Variants in CTNND2 observed in about 807,000 individuals in gnomAD.
CTNND2 encodes the protein catenin delta-2.
In CTNND2, 22 loss-of-function variants were observed where a neutral mutation model predicts 144.4. The ratio of observed to expected loss-of-function variants is 0.15; its 90% CI spans 0.11 to 0.22. The LOEUF (loss-of-function observed/expected upper bound fraction) is 0.22, where lower values mean the gene tolerates loss of function less well. CTNND2 is among the 10% of genes least tolerant of loss of function. The probability of loss-of-function intolerance (pLI) is 1.00; values close to 1 mark genes in which losing one functional copy is unlikely to be tolerated. For synonymous variants in CTNND2, 751 were observed against 695.6 expected (o/e 1.08, Z -1.25); for missense variants, 1,353 against 1,618.8 (o/e 0.84, Z 2.82).
chr5:11,375,226 T>C (rs1159925929), intron 7 of CTNND2, among the ~76,000 whole-genome samples: 1 of 152,120 alleles, frequency 6.6e-6, no homozygotes, highest in Non-Finnish European at 1.5e-5. Flanking sequence ...TTCTACTTCT[T>C]TGTATCTTTC....
chr5:11,685,755 G>T (rs1349384020), intron 2 of CTNND2, among the ~76,000 whole-genome samples: 2 of 152,166 alleles, frequency 1.3e-5, no homozygotes, highest in African/African-American at 2.4e-5. Flanking sequence ...TCTACAAAGA[G>T]TATCTCAGGT....
chr5:11,144,645 C>T (rs1410734567), intron 12 of CTNND2, among the ~76,000 whole-genome samples: 12 of 152,076 alleles, frequency 7.9e-5, no homozygotes, highest in Admixed American at 7.9e-4. Context: ...TCTTAGGGGA[C>T]AACAGGTATC....
intron 2 of CTNND2, among the ~76,000 whole-genome samples, chr5:11,716,158 T>A (rs1786338843): frequency 6.6e-6 from 1 of 152,224 alleles, no homozygotes; most frequent in African/African-American, 2.4e-5. Context: ...CAGCCACTCA[T>A]AAGGGGTTTC....
At chr5:11,389,404 T>C (rs1050298821) in intron 6 of CTNND2, among the ~76,000 whole-genome samples, 1 of 152,236 alleles carries the variant, frequency 6.6e-6, no homozygotes, top group South Asian at 2.1e-4. Context: ...TCATCAAAGC[T>C]ATTACAAATT....
At chr5:11,902,448 G>C (rs887023544) in intron 1 of CTNND2, among the ~76,000 whole-genome samples, 13 of 152,106 alleles carry the variant, frequency 8.5e-5, no homozygotes, top group African/African-American at 3.1e-4. Flanking sequence ...CCGAAGCCTT[G>C]TCATTATGTA....
chr5:11,544,924 C>T (rs1047777543), intron 3 of CTNND2, among the ~76,000 whole-genome samples: 1 of 151,736 alleles, frequency 6.6e-6, no homozygotes, highest in African/African-American at 2.4e-5. Context: ...CAAGACTAGC[C>T]TGACAAACAC....
chr5:11,900,234 T>C (rs922878808), intron 1 of CTNND2, among the ~76,000 whole-genome samples: 6 of 152,212 alleles, frequency 3.9e-5, no homozygotes, highest in African/African-American at 1.4e-4. Flanking sequence ...GGTACTTCAA[T>C]ATCCTGACAT....
At chr5:11,008,893 G>C (rs952663592) in intron 18 of CTNND2, among the ~76,000 whole-genome samples, 4 of 152,132 alleles carry the variant, frequency 2.6e-5, no homozygotes, top group African/African-American at 9.7e-5. Context: ...GGGGGTGGCA[G>C]GCCTGGTGTC....
At chr5:11,124,897 T>A (rs373755822) in intron 12 of CTNND2, among the ~76,000 whole-genome samples, 5 of 152,310 alleles carry the variant, frequency 3.3e-5, no homozygotes, top group African/African-American at 1.2e-4. Flanking sequence ...TCTAAAAACA[T>A]CTCACCAAAA....
At chr5:11,052,414 G>A (rs1319128992) in intron 16 of CTNND2, among the ~76,000 whole-genome samples, 1 of 152,100 alleles carries the variant, frequency 6.6e-6, no homozygotes, top group Non-Finnish European at 1.5e-5. Context: ...CCTCATTAAC[G>A]TCACTTACTA....
chr5:11,448,241 T>A (rs115897785), intron 3 of CTNND2, among the ~76,000 whole-genome samples: 2 of 152,312 alleles, frequency 1.3e-5, no homozygotes, highest in African/African-American at 4.8e-5. Flanking sequence ...TGATATGAGA[T>A]GTACAATATT....
intron 16 of CTNND2, among the ~76,000 whole-genome samples, chr5:11,036,687 C>T (rs532724805): frequency 1.3e-5 from 2 of 152,276 alleles, no homozygotes; most frequent in Non-Finnish European, 2.9e-5. Context: ...CTGCGCCTGG[C>T]CTCAAACTAA....
At chr5:10,975,469 T>C (rs987644593) in intron 21 of CTNND2, among the ~76,000 whole-genome samples, 1 of 152,168 alleles carries the variant, frequency 6.6e-6, no homozygotes, top group Non-Finnish European at 1.5e-5. Flanking sequence ...AATCCATCCA[T>C]CCATCCATCC....
At chr5:11,604,150 C>G (rs544562194) in intron 2 of CTNND2, among the ~76,000 whole-genome samples, 12 of 152,274 alleles carry the variant, frequency 7.9e-5, no homozygotes, top group African/African-American at 2.9e-4. Flanking sequence ...CAGGCTTCTT[C>G]TCCTTTTAGT....
At chr5:11,037,101 C>T (rs1455739280) in intron 16 of CTNND2, among the ~76,000 whole-genome samples, 1 of 152,152 alleles carries the variant, frequency 6.6e-6, no homozygotes, top group African/African-American at 2.4e-5. Context: ...TTAAAATAGC[C>T]TTTTCAGTTG....
At chr5:11,334,398 G>T (rs942592543) in intron 9 of CTNND2, among the ~76,000 whole-genome samples, 1 of 152,146 alleles carries the variant, frequency 6.6e-6, no homozygotes, top group Non-Finnish European at 1.5e-5. Flanking sequence ...CTCCATCATT[G>T]TGGGTTTCTA....
At chr5:11,514,035 T>C (rs565173465) in intron 3 of CTNND2, among the ~76,000 whole-genome samples, 2 of 152,070 alleles carry the variant, frequency 1.3e-5, no homozygotes, top group African/African-American at 4.8e-5. Flanking sequence ...AAAAAAGAAT[T>C]AGCTAAATAT....
In CTNND2 at chr5:11,904,417, C is replaced by T. The variant is rs1738169860; in HGVS notation, c.-564G>A. 6.6e-6 allele frequency among the ~76,000 whole-genome samples: 1 copy of T among 151,752 alleles called. No homozygotes were observed. Among genetic ancestry groups the T allele is most frequent in the Non-Finnish European group, 1.5e-5 (1 of 67,904 alleles). ...GGCGCCCGGCTAGTGAGGGAGCGTCCGCCCCGCCGCCGAAACCGGCCCCGG... is the reference window on the plus strand; with the variant it reads ...GGCGCCCGGCTAGTGAGGGAGCGTCTGCCCCGCCGCCGAAACCGGCCCCGG... On this transcript the variant is annotated 5_prime_UTR_variant, in exon 1 of 22. Coordinates refer to ENST00000304623, the MANE Select transcript of CTNND2 (RefSeq NM_001332.4). This position sits in a 1 kb window ranked among gnomAD's most constrained non-coding sequence, Gnocchi z 4.2.
chr5:11,084,649 C>T lies in CTNND2; in HGVS notation c.2638-1803G>A, dbSNP rs142263352. 3.6e-3 allele frequency among the ~76,000 whole-genome samples: 555 copies of T among 152,220 alleles called. 2 individuals are homozygous for T. The highest frequency in any genetic ancestry group is 0.012 in the South Asian group (57 of 4,820). On this transcript the variant is annotated intron_variant, in intron 15 of 21. Coordinates refer to ENST00000304623, the MANE Select transcript of CTNND2 (RefSeq NM_001332.4). ...GGCAGGCTGATGCAAGTGCCCTCAG[C>T]CTGGTGGGGAAGAGATGAACTGGGG...
Sources: allele counts gnomAD v4.1 joint callset (sites outside exome capture counted in the v4.1 genomes callset), GRCh38; gene constraint gnomAD v4.1.1; non-coding constraint Gnocchi (gnomAD v3.1); transcripts MANE v1.5; gene names NCBI Gene and HGNC (gene_info 2026-07-23, HGNC 2026-07-21).